The following GRM7 variants were observed in gnomAD, a reference collection of about 807,000 sequenced individuals.
GRM7 encodes glutamate metabotropic receptor 7.
GRM7 carries 35 observed loss-of-function variants against 84.5 expected under a neutral mutation model. The observed-to-expected ratio is 0.41, with a 90% CI of 0.32 to 0.55. The LOEUF (loss-of-function observed/expected upper bound fraction) is 0.55. GRM7 is among the 20% of genes least tolerant of loss of function. The pLI is 0.19. For missense variants in GRM7, 1,003 were observed against 1,194.6 expected (o/e 0.84, Z 2.36); for synonymous variants, 487 against 455.1 (o/e 1.07, Z -0.89).
At chr3:7,304,168 C>A (rs540600289) in intron 3 of GRM7, among the ~76,000 whole-genome samples, 1 of 151,934 alleles carries the variant, frequency 6.6e-6, no homozygotes, top group South Asian at 2.1e-4. Flanking sequence ...GTTCTAATTG[C>A]GGAGGGAAAA....
At chr3:7,738,044 T>C (rs1444693089) in intron 9 of GRM7, among the ~76,000 whole-genome samples, 1 of 152,090 alleles carries the variant, frequency 6.6e-6, no homozygotes, top group African/African-American at 2.4e-5. Context: ...AGATGGGGTT[T>C]CACCATGTTG....
chr3:6,999,415 T>C (rs1694936252), intron 1 of GRM7, among the ~76,000 whole-genome samples: 1 of 152,158 alleles, frequency 6.6e-6, no homozygotes, highest in Non-Finnish European at 1.5e-5. Flanking sequence ...TTCCAAACTT[T>C]CCATTTTCCT....
intron 4 of GRM7, among the ~76,000 whole-genome samples, chr3:7,391,856 G>T (rs897831002): frequency 4.6e-5 from 7 of 152,034 alleles, no homozygotes; most frequent in Admixed American, 1.3e-4. Flanking sequence ...TGCCTTCAGT[G>T]GGGGTGGAGC....
chr3:7,705,946 G>T, intron 9 of GRM7, among the ~76,000 whole-genome samples: 1 of 152,114 alleles, frequency 6.6e-6, no homozygotes, highest in East Asian at 1.9e-4. Flanking sequence ...AATTCAGCTT[G>T]GAAATATTTC....
intron 2 of GRM7, among the ~76,000 whole-genome samples, chr3:7,254,867 C>T (rs1698137613): frequency 6.6e-6 from 1 of 152,194 alleles, no homozygotes; most frequent in Admixed American, 6.5e-5. Flanking sequence ...ACATCTAGAA[C>T]AGCTGAACAC....
Position 7,738,734 on chromosome 3 carries a change from T to C in GRM7, c.2699-1623T>C, listed in dbSNP as rs879357663. Among the ~76,000 whole-genome samples the C allele has an allele frequency of 1.7e-4, 24 of 140,972 alleles. 1 individual carries two copies. Among genetic ancestry groups the C allele is most frequent in the Admixed American group, 1.6e-3 (23 of 14,712 alleles). 92.5% of individuals were successfully genotyped at this position (140,972 alleles called of 152,430 possible). A position where few individuals can be genotyped will look rare whatever the true frequency, so the allele number is the denominator to read the frequency against. On this transcript the variant is annotated intron_variant, in intron 9 of 9. Coordinates refer to ENST00000357716, the MANE Select transcript of GRM7 (RefSeq NM_000844.4). Reference sequence around the variant, plus strand: ...AGCTTCTGGGTTTTCTTTTTTTTTTTTTTTCCCCTTCTTTTGTCCTGAGGA... The same window carrying C: ...AGCTTCTGGGTTTTCTTTTTTTTTTCTTTTCCCCTTCTTTTGTCCTGAGGA...
chr3:7,140,743 T>TA (rs1243364671), intron 1 of GRM7, among the ~76,000 whole-genome samples: 2 of 152,012 alleles, frequency 1.3e-5, no homozygotes, highest in African/African-American at 4.8e-5. Flanking sequence ...GTGTCTCAAG[T>TA]AAAAATAAGA....
intron 5 of GRM7, 116 bp from the exon 6 acceptor site, chr3:7,452,491 A>G: frequency 1.4e-6 from 1 of 736,656 alleles, no homozygotes; most frequent in East Asian, 2.6e-5. Flanking sequence ...TATTTATCGA[A>G]GCAGTGTTTT....
At chr3:7,025,289 A>C (rs944025582) in intron 1 of GRM7, among the ~76,000 whole-genome samples, 5 of 152,118 alleles carry the variant, frequency 3.3e-5, no homozygotes, top group Non-Finnish European at 7.4e-5. Flanking sequence ...TAATGAACAA[A>C]CTCATGGGTT....
intron 9 of GRM7, among the ~76,000 whole-genome samples, chr3:7,738,592 T>C (rs1249368211): frequency 6.6e-6 from 1 of 152,192 alleles, no homozygotes; most frequent in Non-Finnish European, 1.5e-5. Context: ...GAAATTAGTG[T>C]TTTATAGTAA....
chr3:7,028,860 A>T (rs887224607), intron 1 of GRM7, among the ~76,000 whole-genome samples: 3 of 152,262 alleles, frequency 2.0e-5, no homozygotes, highest in Admixed American at 1.3e-4. Context: ...GTATAATAAT[A>T]CAATCACTTT....
At chr3:6,942,205 A>C (rs1422879720) in intron 1 of GRM7, among the ~76,000 whole-genome samples, 2 of 151,858 alleles carry the variant, frequency 1.3e-5, no homozygotes, top group Non-Finnish European at 2.9e-5. Flanking sequence ...TTGTTTTTGT[A>C]AAGTGGCAAT....
chr3:7,359,122 A>G (rs1575216088), intron 4 of GRM7, among the ~76,000 whole-genome samples: 2 of 126,626 alleles, frequency 1.6e-5, no homozygotes, highest in South Asian at 2.4e-4. Flanking sequence ...AAAAAAAAAA[A>G]AAAAAGAAAA....
At chr3:7,447,465 G>A (rs1462176633) in intron 5 of GRM7, among the ~76,000 whole-genome samples, 1 of 152,094 alleles carries the variant, frequency 6.6e-6, no homozygotes, top group East Asian at 1.9e-4. Context: ...TTTAGTAAAT[G>A]GGTGAACCAT....
intron 7 of GRM7, among the ~76,000 whole-genome samples, chr3:7,489,627 G>A (rs976772496): frequency 2.6e-5 from 4 of 152,034 alleles, no homozygotes; most frequent in Non-Finnish European, 5.9e-5. Flanking sequence ...TTAAGTAGAC[G>A]ATATGGTTGC....
intron 8 of GRM7, among the ~76,000 whole-genome samples, chr3:7,673,977 A>T (rs978447172): frequency 6.6e-6 from 1 of 152,214 alleles, no homozygotes; most frequent in Non-Finnish European, 1.5e-5. Flanking sequence ...TGTATGAGCC[A>T]TAACTTCAGA....
At chr3:7,182,763 A>G (rs1575002469) in intron 2 of GRM7, among the ~76,000 whole-genome samples, 1 of 152,200 alleles carries the variant, frequency 6.6e-6, no homozygotes, top group African/African-American at 2.4e-5. Context: ...TTGATTGGAA[A>G]TCTTTCTTTG....
At chr3:7,577,810 G>A (rs992498933) in intron 7 of GRM7, among the ~76,000 whole-genome samples, 1 of 152,170 alleles carries the variant, frequency 6.6e-6, no homozygotes, top group Non-Finnish European at 1.5e-5. Flanking sequence ...TCTCCCCTGT[G>A]ATAGTAGATT....
rs995352108 is a variant in GRM7, at chr3:7,426,234, C to G, written c.1174+11071C>G. ...TCCCGGGTTCAAGTGATTCTCTTGC[C>G]TCAGCCTCCCGAGTAGCTGGGATTA... is the stretch of plus-strand genomic sequence containing the variant. On this transcript the variant is annotated intron_variant, in intron 5 of 9. Coordinates refer to ENST00000357716, the MANE Select transcript of GRM7 (RefSeq NM_000844.4). Among the ~76,000 whole-genome samples the G allele has an allele frequency of 2.6e-5, 4 of 152,054 alleles. No individual in the cohort carries two copies. The East Asian group carries it at 7.7e-4, about 29-fold the overall frequency.
Sources: gnomAD v4.1 joint callset for allele counts (sites outside exome capture counted in the v4.1 genomes callset) on GRCh38, gnomAD v4.1.1 for gene constraint, MANE v1.5 for transcripts, NCBI Gene and HGNC (gene_info 2026-07-23, HGNC 2026-07-21) for gene names.